Variants in CACNA2D3 observed in about 807,000 individuals in gnomAD.
CACNA2D3 encodes voltage-dependent calcium channel subunit alpha-2/delta-3.
A neutral mutation model predicts 160.6 loss-of-function variants in CACNA2D3; 60 were observed. That is an observed-to-expected ratio of 0.37 (90% confidence interval 0.30 to 0.46). The LOEUF (loss-of-function observed/expected upper bound fraction) is 0.46. Among genes scored for constraint, CACNA2D3 ranks in the 20% least tolerant of loss-of-function variants. The probability of loss-of-function intolerance (pLI) is 1.00; values close to 1 mark genes in which losing one functional copy is unlikely to be tolerated. For missense variants in CACNA2D3, 1,205 were observed against 1,365.0 expected, an observed-to-expected ratio of 0.88 and a Z score of 1.85; for synonymous variants, 558 against 492.9, an observed-to-expected ratio of 1.13 and a Z score of -1.75.
At chr3:54,930,881 G>A (rs1701171076) in intron 27 of CACNA2D3, among the ~76,000 whole-genome samples, 1 of 152,172 alleles carries the variant, frequency 6.6e-6, no homozygotes, top group East Asian at 1.9e-4. Flanking sequence ...TGGATCAGTT[G>A]AGGACAGGAG....
intron 5 of CACNA2D3, among the ~76,000 whole-genome samples, chr3:54,540,071 C>T (rs1451082499): frequency 1.3e-5 from 2 of 152,146 alleles, no homozygotes; most frequent in East Asian, 1.9e-4. Flanking sequence ...CTGCAAAGAA[C>T]AGATCCTACC....
At chr3:55,055,090 G>C (rs1704329754) in intron 35 of CACNA2D3, among the ~76,000 whole-genome samples, 1 of 152,132 alleles carries the variant, frequency 6.6e-6, no homozygotes, top group South Asian at 2.1e-4. Context: ...TAAGAAACAT[G>C]CTGATTAAAG....
At chr3:54,413,424 C>CTATA (rs151332125) in intron 4 of CACNA2D3, among the ~76,000 whole-genome samples, 63 of 145,544 alleles carry the variant, frequency 4.3e-4, no homozygotes, top group South Asian at 8.5e-4. Context: ...ATATAGATAT[C>CTATA]TATATATATA....
At chr3:54,819,683 A>G (rs1309575232) in intron 14 of CACNA2D3, among the ~76,000 whole-genome samples, 1 of 152,148 alleles carries the variant, frequency 6.6e-6, no homozygotes. Flanking sequence ...CGTCTCTTCT[A>G]AAAATACAAA....
rs1700112060 is a variant in CACNA2D3 at position 54,149,927 on chromosome 3, CTCT to C, written c.204+26334_204+26336del. ...TCTCTCTCTCTCTCTCTCTCTCTCT[CTCT>C]CCCTCCCTCCCTCCCTCCCTCCCTC... On this transcript the variant is annotated intron_variant, in intron 2 of 37. Transcript: ENST00000474759. Among the ~76,000 whole-genome samples, 25 of 66,320 alleles carry C rather than the reference CTCT, an allele frequency of 3.8e-4. 1 individual carries two copies. Among genetic ancestry groups the C allele is most frequent in the Non-Finnish European group, 7.0e-4 (22 of 31,492 alleles). 43.5% of individuals were successfully genotyped at this position (66,320 alleles called of 152,430 possible). A position where few individuals can be genotyped will look rare whatever the true frequency, so the allele number is the denominator to read the frequency against.
In CACNA2D3 at chr3:54,837,218, G is replaced by A. The variant is rs1232480497; in HGVS notation, c.1458G>A (p.Lys486=). The change falls in exon 15 of 38, where the codon AAG becomes AAA. Residue 486 remains lysine (K), a synonymous_variant. Transcript: ENST00000474759. ...MTTVAMPVFS[K]QNETRSKGIL... ...CTGTAGCCATGCCTGTGTTTAGTAA[G>A]CAGAACGAAACCGTGAGTACAGTCG... The A allele has an allele frequency of 1.2e-6, 2 of 1,613,934 alleles. No homozygotes were observed. Among genetic ancestry groups the A allele is most frequent in the East Asian group, 4.5e-5 (2 of 44,870 alleles).
chr3:54,750,740 G>GT (rs923648350), intron 11 of CACNA2D3, among the ~76,000 whole-genome samples: 2 of 151,570 alleles, frequency 1.3e-5, no homozygotes, highest in African/African-American at 2.4e-5. Flanking sequence ...AGGGTCAGTG[G>GT]TAATCACTTT....
At chr3:54,771,048 G>A (rs1702311527) in intron 13 of CACNA2D3, among the ~76,000 whole-genome samples, 1 of 152,062 alleles carries the variant, frequency 6.6e-6, no homozygotes, top group Admixed American at 6.6e-5. Flanking sequence ...ATTTGTTTGT[G>A]TCATCCTTGG....
rs57761171 is a variant in CACNA2D3, at chr3:54,171,136, C to CTTTTTTTTTTTTTTTTTTTT, written c.204+47545_204+47564dup. On this transcript the variant is annotated intron_variant, in intron 2 of 37. Transcript: ENST00000474759. ...TCTGTTTACATTTTAAAGATGATGA[C>CTTTTTTTTTTTTTTTTTTTT]TTTTTTTTTTTTTTTTTTTTTTAGG... 2.3e-3 allele frequency among the ~76,000 whole-genome samples: 144 copies of CTTTTTTTTTTTTTTTTTTTT among 62,552 alleles called. 38 individuals are homozygous for CTTTTTTTTTTTTTTTTTTTT. Among genetic ancestry groups the CTTTTTTTTTTTTTTTTTTTT allele is most frequent in the East Asian group, 2.6e-3 (4 of 1,512 alleles). The allele number at this position is 62,552 out of a possible 152,430, so 41.0% of individuals were successfully genotyped here.
chr3:54,286,428 G>A (rs1160169725), intron 2 of CACNA2D3, among the ~76,000 whole-genome samples: 2 of 152,224 alleles, frequency 1.3e-5, no homozygotes, highest in Non-Finnish European at 2.9e-5. Flanking sequence ...ATGGAACTAT[G>A]TGAAAAGACC....
intron 4 of CACNA2D3, among the ~76,000 whole-genome samples, chr3:54,416,374 C>A (rs1699754429): frequency 6.6e-6 from 1 of 152,030 alleles, no homozygotes; most frequent in African/African-American, 2.4e-5. Flanking sequence ...TCTTTTTGTC[C>A]CTTTTCTGTC....
At chr3:54,797,647 A>G (rs1559585313) in intron 13 of CACNA2D3, among the ~76,000 whole-genome samples, 4 of 152,204 alleles carry the variant, frequency 2.6e-5, no homozygotes, top group Admixed American at 2.6e-4. Context: ...AAAGCACAAA[A>G]CATGATAAAA....
At chr3:54,378,555 A>G (rs1041444100) in intron 3 of CACNA2D3, among the ~76,000 whole-genome samples, 1 of 152,222 alleles carries the variant, frequency 6.6e-6, no homozygotes, top group Admixed American at 6.5e-5. Context: ...AGTTAAAGAT[A>G]GTTCCATTGC....
intron 10 of CACNA2D3, among the ~76,000 whole-genome samples, chr3:54,628,672 A>G (rs561337735): frequency 1.3e-5 from 2 of 152,138 alleles, no homozygotes; most frequent in Non-Finnish European, 2.9e-5. Context: ...AATAAAAACC[A>G]CTCTAGGTAT....
intron 27 of CACNA2D3, among the ~76,000 whole-genome samples, chr3:54,936,440 C>A (rs978644668): frequency 6.6e-6 from 1 of 152,136 alleles, no homozygotes. Context: ...AGTCGCTCCA[C>A]AAACAAAGGA....
intron 17 of CACNA2D3, among the ~76,000 whole-genome samples, chr3:54,849,099 C>T (rs1052368464): frequency 6.6e-6 from 1 of 152,166 alleles, no homozygotes; most frequent in Non-Finnish European, 1.5e-5. Flanking sequence ...GGGAAGGGAT[C>T]GTGTACATAC....
intron 3 of CACNA2D3, among the ~76,000 whole-genome samples, chr3:54,340,906 A>G (rs2107525502): frequency 6.6e-6 from 1 of 152,292 alleles, no homozygotes; most frequent in South Asian, 2.1e-4. Flanking sequence ...CAGAGGTATG[A>G]GGTCAGAGCT....
intron 5 of CACNA2D3, 144 bp from the exon 6 acceptor site, chr3:54,562,656 C>A: frequency 3.1e-6 from 2 of 639,164 alleles, no homozygotes; most frequent in Middle Eastern, 2.6e-4. Context: ...AGGAGCTAAA[C>A]GTTTTTGTGG....
chr3:54,703,409 A>G (rs1267464999), intron 11 of CACNA2D3, among the ~76,000 whole-genome samples: 1 of 152,194 alleles, frequency 6.6e-6, no homozygotes, highest in Non-Finnish European at 1.5e-5. Context: ...ATGTAAAAGT[A>G]GTTTCTAGAT....
Sources: gnomAD v4.1 joint callset for allele counts (sites outside exome capture counted in the v4.1 genomes callset) on GRCh38, gnomAD v4.1.1 for gene constraint, MANE v1.5 for transcripts, NCBI Gene and HGNC (gene_info 2026-07-23, HGNC 2026-07-21) for gene names.